Variants in RFTN1 observed in about 807,000 individuals in gnomAD.
The protein encoded by RFTN1 is raftlin, lipid raft linker 1, also known as raftlin.
A neutral mutation model predicts 46.5 loss-of-function variants in RFTN1; 26 were observed. The observed-to-expected ratio is 0.56, with a 90% CI of 0.41 to 0.78. The LOEUF (loss-of-function observed/expected upper bound fraction) is 0.78, where lower values mean the gene tolerates loss of function less well. RFTN1 is among the 30% of genes least tolerant of loss of function. The pLI is 0.00. For synonymous variants in RFTN1, 261 were observed against 284.2 expected, an observed-to-expected ratio of 0.92 and a Z score of 0.82; for missense variants, 693 against 718.7, an observed-to-expected ratio of 0.96 and a Z score of 0.41.
intron 3 of RFTN1, among the ~76,000 whole-genome samples, chr3:16,433,000 G>A (rs953794946): frequency 5.9e-5 from 9 of 152,200 alleles, no homozygotes; most frequent in African/African-American, 1.9e-4. Flanking sequence ...TTTAAAAGGA[G>A]AGAACAAGGA....
In RFTN1 at chr3:16,346,415, G is replaced by C. The variant is rs2071722154; in HGVS notation, c.1146+11517C>G. ...TGAGTTTATGGAAGAAAAAAGTGCA[G>C]ATAAAGATTAAAGGTCAAATACTTC... On this transcript the variant is annotated intron_variant, in intron 7 of 9. Coordinates refer to ENST00000334133, the MANE Select transcript of RFTN1 (RefSeq NM_015150.2). This position sits in a 1 kb window ranked among gnomAD's most constrained non-coding sequence, Gnocchi z 4.4. 1 of 152,192 alleles carries C rather than the reference G, an allele frequency of 6.6e-6. No individual in the cohort carries two copies. Among genetic ancestry groups the C allele is most frequent in the South Asian group, 2.1e-4 (1 of 4,828 alleles). 9.4% of individuals were successfully genotyped at this position (152,192 alleles called of 1,614,324 possible).
intron 4 of RFTN1, among the ~76,000 whole-genome samples, chr3:16,394,232 C>G (rs895107704): frequency 2.0e-5 from 3 of 152,078 alleles, no homozygotes; most frequent in African/African-American, 7.2e-5. Context: ...AAAAAATTAG[C>G]TGGGTGTGGT....
At position 16,392,766 on chromosome 3, in the gene RFTN1, C is replaced by T. The variant is rs1042761001; in HGVS notation, c.442-14664G>A. 5.9e-5 allele frequency among the ~76,000 whole-genome samples: 9 copies of T among 152,034 alleles called. No individual in the cohort carries two copies. In the East Asian group the frequency reaches 7.7e-4, roughly 13 times the overall value. ...ATATTTGTAAATGAGTCTGCTGGGA[C>T]GTATGAAGCATTAACAGGTGATATC... On this transcript the variant is annotated intron_variant, in intron 4 of 9. Coordinates refer to ENST00000334133, the MANE Select transcript of RFTN1 (RefSeq NM_015150.2).
intron 6 of RFTN1, among the ~76,000 whole-genome samples, chr3:16,364,884 C>T (rs11709091): frequency 0.41 from 62,759 of 151,940 alleles, 13,472 homozygotes; most frequent in Non-Finnish European, 0.48. Context: ...ATAGAAACAG[C>T]GTGGGGCACG....
rs1326205967 is a variant in RFTN1 at position 16,465,256 on chromosome 3, TTTG to T, written c.145+28466_145+28468del. ...AAAGCCTTAGTATTTCATAGAGGTT[TTTG>T]TTGTTGTTGTTCAGAAAATGAACAT... On this transcript the variant is annotated intron_variant, in intron 2 of 9. Transcript: ENST00000334133. The surrounding 1 kb of genome is among the most constrained non-coding windows in gnomAD (Gnocchi z 5.1). Among the ~76,000 whole-genome samples, 5 of 152,082 alleles carry T rather than the reference TTTG, an allele frequency of 3.3e-5. No individual in the cohort carries two copies. The highest frequency in any genetic ancestry group is 4.8e-5 in the African/African-American group (2 of 41,428).
rs528269291 is a variant in RFTN1 at position 16,483,407 on chromosome 3, C to T, written c.145+10318G>A. Among the ~76,000 whole-genome samples, 113 of 152,276 alleles carry T rather than the reference C, an allele frequency of 7.4e-4. 1 individual carries two copies. The Middle Eastern group carries it at 0.01, about 14-fold the overall frequency. ...GCAGCCAGGTATCCATCTTAGCCAG[C>T]TCCCTGAGACATCACAGACTTAAGC... On this transcript the variant is annotated intron_variant, in intron 2 of 9. Coordinates refer to ENST00000334133, the MANE Select transcript of RFTN1 (RefSeq NM_015150.2). This position sits in a 1 kb window ranked among gnomAD's most constrained non-coding sequence, Gnocchi z 4.8.
intron 3 of RFTN1, among the ~76,000 whole-genome samples, chr3:16,432,440 C>A (rs921000758): frequency 6.6e-6 from 1 of 151,982 alleles, no homozygotes; most frequent in Non-Finnish European, 1.5e-5. Context: ...ATGGCTTAAG[C>A]CTGAGAGGCA....
Position 16,353,487 on chromosome 3 carries a change from G to A in RFTN1, c.1146+4445C>T, listed in dbSNP as rs1460691657. The stretch of plus-strand genomic sequence containing the variant: ...CCCTAAGACAGGGATTCTCAAGGTG[G>A]GGTTCCCACACCAGCAGCAGCAGCT... On this transcript the variant is annotated intron_variant, in intron 7 of 9. Coordinates refer to ENST00000334133, the MANE Select transcript of RFTN1 (RefSeq NM_015150.2). The surrounding 1 kb of genome is among the most constrained non-coding windows in gnomAD (Gnocchi z 5.4). 6.6e-6 allele frequency among the ~76,000 whole-genome samples: 1 copy of A among 152,140 alleles called. No individual in the cohort carries two copies. The highest frequency in any genetic ancestry group is 1.5e-5 in the Non-Finnish European group (1 of 68,022).
chr3:16,487,341 C>T (rs1049454746), intron 2 of RFTN1, among the ~76,000 whole-genome samples: 3 of 152,208 alleles, frequency 2.0e-5, no homozygotes, highest in Non-Finnish European at 4.4e-5. Flanking sequence ...TAAAATGGTA[C>T]ATTGTTATGA....
chr3:16,412,951 T>G (rs1013068428), intron 3 of RFTN1, among the ~76,000 whole-genome samples: 1 of 152,208 alleles, frequency 6.6e-6, no homozygotes, highest in African/African-American at 2.4e-5. Flanking sequence ...GAGCCTCTGA[T>G]GAGACTGCAG....
At chr3:16,362,871 C>T (rs1388911352) in intron 6 of RFTN1, among the ~76,000 whole-genome samples, 1 of 152,178 alleles carries the variant, frequency 6.6e-6, no homozygotes, top group Non-Finnish European at 1.5e-5. Context: ...CAGACTTTTT[C>T]TCCATCCCCT....
intron 7 of RFTN1, among the ~76,000 whole-genome samples, chr3:16,331,120 G>A (rs1191735932): frequency 2.6e-5 from 4 of 152,232 alleles, no homozygotes; most frequent in Admixed American, 6.5e-5. Context: ...ACTGGGGACA[G>A]TTTGCCTCTA....
intron 4 of RFTN1, among the ~76,000 whole-genome samples, chr3:16,386,708 T>C (rs1196213426): frequency 1.3e-5 from 2 of 152,212 alleles, no homozygotes; most frequent in African/African-American, 4.8e-5. Context: ...TGATCAGGCC[T>C]GTCCTAAGGA....
In RFTN1 at chr3:16,422,174, T is replaced by C. The variant is rs1354669414; in HGVS notation, c.332+11677A>G. Among the ~76,000 whole-genome samples, 3 of 152,198 alleles carry C rather than the reference T, an allele frequency of 2.0e-5. No individual in the cohort carries two copies. Among genetic ancestry groups the C allele is most frequent in the African/African-American group, 7.2e-5 (3 of 41,462 alleles). ...CTCAAATAAAATTTACCTCCAATAA[T>C]AATATTGAACATTATGTTCTTGAAA... On this transcript the variant is annotated intron_variant, in intron 3 of 9. Coordinates refer to ENST00000334133, the MANE Select transcript of RFTN1 (RefSeq NM_015150.2). This position sits in a 1 kb window ranked among gnomAD's most constrained non-coding sequence, Gnocchi z 4.6.
At position 16,385,165 on chromosome 3, in the gene RFTN1, G is replaced by T. The variant is rs2074125340; in HGVS notation, c.442-7063C>A. ...AGAACAGGTACAAAAATGCCATTCT[G>T]GGTTGCAGTTACACATGAGTCTTTA... On this transcript the variant is annotated intron_variant, in intron 4 of 9. Coordinates refer to ENST00000334133, the MANE Select transcript of RFTN1 (RefSeq NM_015150.2). The surrounding 1 kb of genome is among the most constrained non-coding windows in gnomAD (Gnocchi z 5.0). Among the ~76,000 whole-genome samples, 1 of 152,270 alleles carries T rather than the reference G, an allele frequency of 6.6e-6. No individual in the cohort carries two copies. Among genetic ancestry groups the T allele is most frequent in the South Asian group, 2.1e-4 (1 of 4,826 alleles).
rs1026081234 is a variant in RFTN1 at position 16,407,343 on chromosome 3, C to T, written c.441+2032G>A. Among the ~76,000 whole-genome samples the T allele has an allele frequency of 8.6e-5, 13 of 151,344 alleles. No individual in the cohort carries two copies. Among genetic ancestry groups the T allele is most frequent in the African/African-American group, 3.2e-4 (13 of 41,152 alleles). On this transcript the variant is annotated intron_variant, in intron 4 of 9. Coordinates refer to ENST00000334133, the MANE Select transcript of RFTN1 (RefSeq NM_015150.2). This position sits in a 1 kb window ranked among gnomAD's most constrained non-coding sequence, Gnocchi z 4.0. Reference sequence around the variant, plus strand: ...GACTATAGTCAAGCACCACCATGCTCGGCTTTTTAAAGAGACTTTTTTTTT... The same window carrying T: ...GACTATAGTCAAGCACCACCATGCTTGGCTTTTTAAAGAGACTTTTTTTTT...
In RFTN1 at chr3:16,346,911, C is replaced by T. The variant is rs1389426331; in HGVS notation, c.1146+11021G>A. Reference sequence around the variant, plus strand: ...TGGCATCTTTAAGCTGTTGACAAAGCTGACTCTGCAACCTCCCCACCTTGC... The same window carrying T: ...TGGCATCTTTAAGCTGTTGACAAAGTTGACTCTGCAACCTCCCCACCTTGC... On this transcript the variant is annotated intron_variant, in intron 7 of 9. Transcript: ENST00000334133. The surrounding 1 kb of genome is among the most constrained non-coding windows in gnomAD (Gnocchi z 4.4). Among the ~76,000 whole-genome samples, 2 of 152,172 alleles carry T rather than the reference C, an allele frequency of 1.3e-5. No individual in the cohort carries two copies. Among genetic ancestry groups the T allele is most frequent in the Admixed American group, 1.3e-4 (2 of 15,276 alleles).
intron 2 of RFTN1, among the ~76,000 whole-genome samples, chr3:16,464,479 C>T (rs1312651136): frequency 1.3e-5 from 2 of 152,076 alleles, no homozygotes; most frequent in African/African-American, 4.8e-5. Flanking sequence ...ATTAGTTTGC[C>T]TCAAACTACC....
Position 16,410,280 on chromosome 3 carries a change from CTATGTCCCATTGGTT to C in RFTN1, c.333-812_333-798del, listed in dbSNP as rs1349861325. ...ACACAAACTCTCACTCCAGTAATGTCTATGTCCCATTGGTTTATATCCGCCAGGGCACAGAAAAAG... is the reference window on the plus strand; with the variant it reads ...ACACAAACTCTCACTCCAGTAATGTCTATATCCGCCAGGGCACAGAAAAAG... On this transcript the variant is annotated intron_variant, in intron 3 of 9. Coordinates refer to ENST00000334133, the MANE Select transcript of RFTN1 (RefSeq NM_015150.2). The surrounding 1 kb of genome is among the most constrained non-coding windows in gnomAD (Gnocchi z 4.6). Among the ~76,000 whole-genome samples, 3 of 150,866 alleles carry C rather than the reference CTATGTCCCATTGGTT, an allele frequency of 2.0e-5. No individual in the cohort carries two copies. The highest frequency in any genetic ancestry group is 7.3e-5 in the African/African-American group (3 of 40,856).
Sources: gnomAD v4.1 joint callset for allele counts (sites outside exome capture counted in the v4.1 genomes callset) on GRCh38, gnomAD v4.1.1 for gene constraint, Gnocchi (gnomAD v3.1) non-coding constraint, MANE v1.5 for transcripts, NCBI Gene and HGNC (gene_info 2026-07-23, HGNC 2026-07-21) for gene names.